The following ZSCAN1 variants were observed in gnomAD, a reference collection of about 807,000 sequenced individuals.
The protein encoded by ZSCAN1 is zinc finger and SCAN domain-containing protein 1.
In ZSCAN1, 23 loss-of-function variants were observed where a neutral mutation model predicts 23.8. The ratio of observed to expected loss-of-function variants is 0.97; its 90% confidence interval spans 0.70 to 1.37. The LOEUF is 1.37. Among genes scored for constraint, ZSCAN1 ranks in the 40% most tolerant of loss-of-function variants. The pLI is 0.00. For missense variants in ZSCAN1, 575 were observed against 554.0 expected, an observed-to-expected ratio of 1.04 and a Z score of -0.38; for synonymous variants, 236 against 232.3, an observed-to-expected ratio of 1.02 and a Z score of -0.15.
At chr19:58,048,003 C>T (rs1035053962) in intron 4 of ZSCAN1, among the ~76,000 whole-genome samples, 6 of 152,324 alleles carry the variant, frequency 3.9e-5, no homozygotes, top group African/African-American at 1.4e-4. Flanking sequence ...CCGGGGGCCT[C>T]CAAGCATAGG....
intron 4 of ZSCAN1, among the ~76,000 whole-genome samples, chr19:58,050,897 G>A (rs748234708): frequency 3.3e-5 from 5 of 151,578 alleles, no homozygotes; most frequent in Admixed American, 6.5e-5. Context: ...TCTCCCTCCC[G>A]CCTCCAATCT....
At chr19:58,050,361 A>T (rs1297085379) in intron 4 of ZSCAN1, among the ~76,000 whole-genome samples, 1 of 151,672 alleles carries the variant, frequency 6.6e-6, no homozygotes, top group Non-Finnish European at 1.5e-5. Flanking sequence ...GCTTGAACCC[A>T]GCGGGTGGAG....
chr19:58,043,346 C>T (rs1252551953), intron 4 of ZSCAN1, among the ~76,000 whole-genome samples: 2 of 152,234 alleles, frequency 1.3e-5, no homozygotes, highest in Non-Finnish European at 2.9e-5. Flanking sequence ...CTGCACAGCA[C>T]GGGGCTGCAC....
In ZSCAN1 at chr19:58,038,220, G is replaced by T; in HGVS notation, c.370+14G>T. The T allele has an allele frequency of 6.3e-7, 1 of 1,597,372 alleles. No homozygotes were observed. The highest frequency in any genetic ancestry group is 8.5e-7 in the Non-Finnish European group (1 of 1,174,502). Reference sequence around the variant, plus strand: ...GCCAGCAGGAAGGTGAGAGGCGCAGGCTTCCTGCCCCGGGCCGGGCCAGGG... The same window carrying T: ...GCCAGCAGGAAGGTGAGAGGCGCAGTCTTCCTGCCCCGGGCCGGGCCAGGG... On this transcript the variant is annotated intron_variant, in intron 3 of 5. Transcript: ENST00000282326.
Position 58,053,810 on chromosome 19 carries a change from T to C in ZSCAN1, c.986T>C (p.Phe329Ser), listed in dbSNP as rs150751802. The change falls in exon 6 of 6, where the codon TTC (phenylalanine) becomes TCC (serine). Residue 329 changes from phenylalanine to serine, a missense_variant. Physicochemically the swap from Phe to Ser is radical, Grantham distance 155. Transcript: ENST00000282326. This position sits in a 1 kb window ranked among gnomAD's most constrained non-coding sequence, Gnocchi z 5.8. Reference protein sequence around the residue: ...PFPCPECGKVFLHNSVLTEHG... With the variant: ...PFPCPECGKVSLHNSVLTEHG... Reference sequence around the variant, plus strand: ...CCGTGCCCCGAGTGTGGCAAGGTCTTCCTGCACAACTCCGTCCTCACTGAG... The same window carrying C: ...CCGTGCCCCGAGTGTGGCAAGGTCTCCCTGCACAACTCCGTCCTCACTGAG... The C allele has an allele frequency of 4.8e-4, 775 of 1,614,048 alleles. No individual in the cohort carries two copies. Among genetic ancestry groups the C allele is most frequent in the Non-Finnish European group, 6.1e-4 (716 of 1,180,012 alleles).
In ZSCAN1 at chr19:58,037,901, A is replaced by T; in HGVS notation, c.65A>T (p.Gln22Leu). 1.3e-6 allele frequency: 2 copies of T among 1,556,894 alleles called. No homozygotes were observed. Among genetic ancestry groups the T allele is most frequent in the Non-Finnish European group, 1.7e-6 (2 of 1,155,824 alleles). Residue 22 changes from glutamine (Q) to leucine (L), a missense_variant, in exon 3 of 6, where the codon CAG becomes CTG. By Grantham distance (113) the Gln-to-Leu change is moderately radical. Transcript: ENST00000282326. ...RRPQTPTPSE[Q>L]DADPGPASPR... The stretch of plus-strand genomic sequence containing the variant: ...CCCCAGACCCCAACCCCGAGTGAGC[A>T]GGACGCAGACCCTGGGCCAGCAAGC...
At chr19:58,052,719 G>A (rs561812349) in intron 5 of ZSCAN1, 91 bp downstream of exon 5, 2 of 1,489,076 alleles carry the variant, frequency 1.3e-6, no homozygotes, top group East Asian at 2.3e-5. Context: ...GTTGAGTTGG[G>A]TGCTTCGGTG....
chr19:58,052,777 C>A (rs533026378), intron 5 of ZSCAN1, 149 bp downstream of exon 5: 2 of 1,241,402 alleles, frequency 1.6e-6, no homozygotes, highest in Non-Finnish European at 2.2e-6. Flanking sequence ...CCTGTGAGGA[C>A]TGAGATCTGG....
intron 4 of ZSCAN1, among the ~76,000 whole-genome samples, chr19:58,051,451 T>TCCTGCCATCAGCTCCCTCCCTC (rs1162310317): frequency 5.3e-4 from 80 of 152,170 alleles, no homozygotes; most frequent in Non-Finnish European, 7.2e-4. Flanking sequence ...TTAACTCCCT[T>TCCTGCCATCAGCTCCCTCCCTC]CCTGCCATCA....
intron 2 of ZSCAN1, 68 bp from the exon 3 acceptor site, chr19:58,037,660 C>T (rs978399046): frequency 4.8e-5 from 37 of 766,822 alleles, no homozygotes; most frequent in Admixed American, 6.8e-5. Context: ...AGTAAGGAGC[C>T]GAGGGGCATC....
intron 1 of ZSCAN1, 128 bp downstream of exon 1, chr19:58,034,289 G>A (rs539498494): frequency 6.7e-6 from 1 of 150,184 alleles, no homozygotes; most frequent in Admixed American, 6.6e-5. Flanking sequence ...CGCGCGTCGG[G>A]GGAGGCGGGC....
At position 58,048,587 on chromosome 19, in the gene ZSCAN1, C is replaced by T. The variant is rs1054639728; in HGVS notation, c.466-3903C>T. On this transcript the variant is annotated intron_variant, in intron 4 of 5. Transcript: ENST00000282326. ...CTCCACCTCCTGGGTTCAAATGATT[C>T]TCCTGCCCCACAGACAAACGCCACT... Among the ~76,000 whole-genome samples the T allele has an allele frequency of 3.3e-5, 5 of 152,222 alleles. No homozygotes were observed. The South Asian group carries it at 1.0e-3, about 32-fold the overall frequency.
rs1440898861 is a variant in ZSCAN1 at position 58,054,386 on chromosome 19, CAGCGGCAGCTTCTGCCGCT to C, written c.*336_*354del. ...CAGGTCTCCCTGTTAGCACCTGACT[CAGCGGCAGCTTCTGCCGCT>C]GGGTTTTCATTTCACTGTGGATATC... On this transcript the variant is annotated 3_prime_UTR_variant, in exon 6 of 6. Transcript: ENST00000282326. The surrounding 1 kb of genome is among the most constrained non-coding windows in gnomAD (Gnocchi z 4.2). The C allele has an allele frequency of 4.3e-6, 1 of 231,874 alleles. No individual in the cohort carries two copies. Among genetic ancestry groups the C allele is most frequent in the African/African-American group, 2.3e-5 (1 of 44,194 alleles). 14.4% of individuals were successfully genotyped at this position (231,874 alleles called of 1,614,324 possible). A position where few individuals can be genotyped will look rare whatever the true frequency, so the allele number is the denominator to read the frequency against.
chr19:58,044,328 A>T (rs1470458986), intron 4 of ZSCAN1, among the ~76,000 whole-genome samples: 2 of 152,134 alleles, frequency 1.3e-5, no homozygotes, highest in Non-Finnish European at 2.9e-5. Flanking sequence ...TAAATGATAC[A>T]TCATTATCCC....
At chr19:58,044,717 T>C (rs1484945425) in intron 4 of ZSCAN1, 2 of 751,978 alleles carry the variant, frequency 2.7e-6, no homozygotes, top group Non-Finnish European at 4.8e-6. Flanking sequence ...ACCCTGGGGT[T>C]GAGGAGCTGC....
intron 4 of ZSCAN1, chr19:58,044,807 C>T (rs2073813902): frequency 1.4e-6 from 1 of 731,216 alleles, no homozygotes; most frequent in Non-Finnish European, 2.5e-6. Context: ...AGCTGTTGGA[C>T]TCTGAGGCCC....
intron 2 of ZSCAN1, among the ~76,000 whole-genome samples, chr19:58,037,059 C>T (rs1382958403): frequency 2.0e-5 from 3 of 152,158 alleles, no homozygotes; most frequent in South Asian, 2.1e-4. Context: ...TGCCCTCTTC[C>T]TGGTCTCCAC....
In ZSCAN1 at chr19:58,047,655, G is replaced by A. The variant is rs1004124670; in HGVS notation, c.466-4835G>A. ...TTTGGGGTTCTTTGTAGCTTCTAAT[G>A]TGAGGTTTGAGTCCAGTGCACCCAC... On this transcript the variant is annotated intron_variant, in intron 4 of 5. Transcript: ENST00000282326. The surrounding 1 kb of genome is among the most constrained non-coding windows in gnomAD (Gnocchi z 4.9). 2.0e-5 allele frequency among the ~76,000 whole-genome samples: 3 copies of A among 152,212 alleles called. No homozygotes were observed. Among genetic ancestry groups the A allele is most frequent in the Non-Finnish European group, 2.9e-5 (2 of 68,028 alleles).
In ZSCAN1 at chr19:58,053,801, G is replaced by A. The variant is rs1343265658; in HGVS notation, c.977G>A (p.Gly326Asp). The change falls in exon 6 of 6, where the codon GGC becomes GAC. Residue 326 changes from glycine (G) to aspartate (D), a missense_variant. Physicochemically the swap from Gly to Asp is moderately conservative, Grantham distance 94. Coordinates refer to ENST00000282326, the MANE Select transcript of ZSCAN1 (RefSeq NM_182572.4). This position sits in a 1 kb window ranked among gnomAD's most constrained non-coding sequence, Gnocchi z 5.8. The stretch of plus-strand genomic sequence containing the variant: ...GGGCCCTTTCCGTGCCCCGAGTGTG[G>A]CAAGGTCTTCCTGCACAACTCCGTC... ...EEGPFPCPECGKVFLHNSVLT... is the reference protein window; with the variant it reads ...EEGPFPCPECDKVFLHNSVLT... The A allele has an allele frequency of 6.2e-7, 1 of 1,614,088 alleles. No individual in the cohort carries two copies.
Sources: allele counts gnomAD v4.1 joint callset (sites outside exome capture counted in the v4.1 genomes callset), GRCh38; gene constraint gnomAD v4.1.1; non-coding constraint Gnocchi (gnomAD v3.1); transcripts MANE v1.5; gene names NCBI Gene and HGNC (gene_info 2026-07-23, HGNC 2026-07-21).